Variants in RSRC2 observed in about 807,000 individuals in gnomAD.
The protein encoded by RSRC2 is arginine/serine-rich coiled-coil protein 2.
RSRC2 carries 5 observed loss-of-function variants against 61.3 expected under a neutral mutation model. The ratio of observed to expected loss-of-function variants is 0.08; its 90% confidence interval spans 0.04 to 0.17. The LOEUF is 0.17. Among genes scored for constraint, RSRC2 ranks in the 10% least tolerant of loss-of-function variants. The probability of loss-of-function intolerance (pLI) is 1.00; values close to 1 mark genes in which losing one functional copy is unlikely to be tolerated. For missense variants in RSRC2, 381 were observed against 518.8 expected, an observed-to-expected ratio of 0.73 and a Z score of 2.58; for synonymous variants, 202 against 166.5, an observed-to-expected ratio of 1.21 and a Z score of -1.64.
At chr12:122,524,626 G>GTT (rs949444191) in intron 1 of RSRC2, among the ~76,000 whole-genome samples, 1 of 152,084 alleles carries the variant, frequency 6.6e-6, no homozygotes, top group Non-Finnish European at 1.5e-5. Flanking sequence ...ATTTTCATCT[G>GTT]TAAAATATAC....
rs1169838098 is a variant in RSRC2 at position 122,525,801 on chromosome 12, G to GTTTTTT, written c.6+1041_6+1046dup. Among the ~76,000 whole-genome samples the GTTTTTT allele has an allele frequency of 5.1e-4, 11 of 21,502 alleles. 4 individuals are homozygous for GTTTTTT. Among genetic ancestry groups the GTTTTTT allele is most frequent in the African/African-American group, 7.4e-4 (2 of 2,686 alleles). 14.1% of individuals were successfully genotyped at this position (21,502 alleles called of 152,430 possible). On this transcript the variant is annotated intron_variant, in intron 1 of 9. Coordinates refer to ENST00000331738, the MANE Select transcript of RSRC2 (RefSeq NM_023012.6). ...GTAGCTCCTCTGGGGTCAACGAAGAGTTTTTTTTTTTTTTTTTTTTTTTTT... is the reference window on the plus strand; with the variant it reads ...GTAGCTCCTCTGGGGTCAACGAAGAGTTTTTTTTTTTTTTTTTTTTTTTTTTTTTTT...
intron 8 of RSRC2, 175 bp from the exon 9 acceptor site, chr12:122,507,098 G>A: frequency 1.6e-6 from 1 of 631,586 alleles, no homozygotes; most frequent in Non-Finnish European, 2.8e-6. Context: ...CAAGCAAGAG[G>A]TTGGCGCCGT....
At chr12:122,523,784 T>C (rs1959612358) in intron 1 of RSRC2, 2 of 152,018 alleles carry the variant, frequency 1.3e-5, no homozygotes, top group South Asian at 2.1e-4. Context: ...TATTGTACTT[T>C]AATAAATGAA....
rs1266267526 is a variant in RSRC2, at chr12:122,504,938, A to C, written c.*589T>G. On this transcript the variant is annotated 3_prime_UTR_variant, in exon 10 of 10. Transcript: ENST00000331738. ...ACTGTAGTATAGTTAACTGGCCTTA[A>C]AAAGGGTGGTGGGGAGGGGATTTCT... is the stretch of plus-strand genomic sequence containing the variant. 6.6e-6 allele frequency: 1 copy of C among 152,636 alleles called. No individual in the cohort carries two copies. The highest frequency in any genetic ancestry group is 1.5e-5 in the Non-Finnish European group (1 of 68,054). The allele number at this position is 152,636 out of a possible 1,614,324, so 9.5% of individuals were successfully genotyped here. A position where few individuals can be genotyped will look rare whatever the true frequency, so the allele number is the denominator to read the frequency against.
chr12:122,526,741 A>G (rs966456051), intron 1 of RSRC2, 107 bp downstream of exon 1: 32 of 1,294,100 alleles, frequency 2.5e-5, no homozygotes, highest in Non-Finnish European at 3.5e-5. Context: ...CCGCGGCGCC[A>G]TTTTGTCTAC....
At chr12:122,526,750 A>G in intron 1 of RSRC2, 98 bp downstream of exon 1, 1 of 1,401,076 alleles carries the variant, frequency 7.1e-7, no homozygotes, top group Non-Finnish European at 1.0e-6. Context: ...CATTTTGTCT[A>G]CACACATACA....
intron 1 of RSRC2, among the ~76,000 whole-genome samples, chr12:122,525,014 T>A (rs1959865638): frequency 6.6e-6 from 1 of 152,186 alleles, no homozygotes; most frequent in African/African-American, 2.4e-5. Context: ...AGGTCACTTC[T>A]CTAGGGGACT....
intron 3 of RSRC2, chr12:122,520,339 C>T (rs2137533468): frequency 2.7e-6 from 1 of 373,366 alleles, no homozygotes; most frequent in Admixed American, 4.0e-5. Context: ...TATAACGAGG[C>T]AGACTGGAAA....
chr12:122,526,613 G>C (rs532092144), intron 1 of RSRC2, among the ~76,000 whole-genome samples: 1 of 152,014 alleles, frequency 6.6e-6, no homozygotes, highest in South Asian at 2.1e-4. Flanking sequence ...GGTTGGGGAA[G>C]AGAGGAGGAA....
chr12:122,524,863 G>C (rs537922907), intron 1 of RSRC2, among the ~76,000 whole-genome samples: 2 of 152,260 alleles, frequency 1.3e-5, no homozygotes, highest in East Asian at 3.9e-4. Context: ...CTGCAAAACA[G>C]CCTTCTATTC....
At chr12:122,525,308 G>A (rs1959966895) in intron 1 of RSRC2, among the ~76,000 whole-genome samples, 3 of 152,070 alleles carry the variant, frequency 2.0e-5, no homozygotes, top group Admixed American at 6.5e-5. Context: ...CCCGGGAGGC[G>A]GAGGTTGCAG....
chr12:122,521,052 C>G (rs1959193831), intron 3 of RSRC2: 1 of 259,328 alleles, frequency 3.9e-6, no homozygotes, highest in Non-Finnish European at 7.4e-6. Context: ...GTTTAAAAAT[C>G]CTGAGCAACT....
intron 1 of RSRC2, among the ~76,000 whole-genome samples, chr12:122,524,005 C>A (rs1186278251): frequency 6.6e-6 from 1 of 152,136 alleles, no homozygotes; most frequent in South Asian, 2.1e-4. Flanking sequence ...GGCTCTCATG[C>A]CAGCATATTG....
At chr12:122,521,001 C>T (rs966243470) in intron 3 of RSRC2, 1 of 220,096 alleles carries the variant, frequency 4.5e-6, no homozygotes, top group Non-Finnish European at 9.2e-6. Context: ...GAAAAAGCAG[C>T]GCACAGATAT....
At chr12:122,525,371 C>T (rs183823041) in intron 1 of RSRC2, among the ~76,000 whole-genome samples, 2 of 152,012 alleles carry the variant, frequency 1.3e-5, no homozygotes, top group Admixed American at 1.3e-4. Context: ...AGCAAAACTC[C>T]GTCTCGAAAA....
rs182216146 is a variant in RSRC2, at chr12:122,524,092, G to T, written c.7-1793C>A. Among the ~76,000 whole-genome samples, 58 of 152,270 alleles carry T rather than the reference G, an allele frequency of 3.8e-4. No individual in the cohort carries two copies. The East Asian group carries it at 0.011, about 29-fold the overall frequency. On this transcript the variant is annotated intron_variant, in intron 1 of 9. Transcript: ENST00000331738. ...TATGCTGAAAGGTTTTCACCCCTTA[G>T]AATAGAGTTCAACTTTCTCGTTTCA...
At position 122,522,208 on chromosome 12, in the gene RSRC2, G is replaced by A. The variant is rs1202297869; in HGVS notation, c.98C>T (p.Pro33Leu). The change falls in exon 2 of 10, where the codon CCT (proline) becomes CTT (leucine). Residue 33 changes from proline (P) to leucine (L), a missense_variant. Around this residue, in one of 4 missense-constraint regions of RSRC2, gnomAD observed 266 missense variants for 270.5 expected, o/e 0.98. Coordinates refer to ENST00000331738, the MANE Select transcript of RSRC2 (RefSeq NM_023012.6). The stretch of plus-strand genomic sequence containing the variant: ...TGAATAATGATGTTTTGAAGCTCTA[G>A]GAGAAACAGATACTTCTGACTGCTC... ...KKEQSEVSVS[P>L]RASKHHYSRS... 2.5e-6 allele frequency: 4 copies of A among 1,613,998 alleles called. No homozygotes were observed. The highest frequency in any genetic ancestry group is 2.2e-5 in the South Asian group (2 of 91,066).
At chr12:122,523,496 A>T (rs1227501900) in intron 1 of RSRC2, 1 of 152,244 alleles carries the variant, frequency 6.6e-6, no homozygotes, top group Non-Finnish European at 1.5e-5. Flanking sequence ...CAGCCTGGGA[A>T]AGAATGTGAC....
chr12:122,517,111 T>A, intron 5 of RSRC2, 116 bp downstream of exon 5: 1 of 1,452,248 alleles, frequency 6.9e-7, no homozygotes, highest in Admixed American at 2.0e-5. Context: ...TAAAATAATT[T>A]TACCATAATC....
Sources: gnomAD v4.1 joint callset for allele counts (sites outside exome capture counted in the v4.1 genomes callset) on GRCh38, gnomAD v4.1.1 for gene constraint, gnomAD v4.1.1 regional missense constraint, MANE v1.5 for transcripts, NCBI Gene and HGNC (gene_info 2026-07-23, HGNC 2026-07-21) for gene names.